SLFN11: variants seen among roughly 807,000 people sequenced by gnomAD.
The protein encoded by SLFN11 is schlafen family member 11.
SLFN11 carries 43 observed loss-of-function variants against 53.4 expected under a neutral mutation model. The observed-to-expected ratio is 0.80, with a 90% CI of 0.63 to 1.04. The LOEUF (loss-of-function observed/expected upper bound fraction) is 1.04. Ranked by LOEUF, SLFN11 falls within the 50% of genes least tolerant of loss-of-function variation. SLFN11 has a pLI of 0.00. For missense variants in SLFN11, 990 were observed against 1,079.1 expected, an observed-to-expected ratio of 0.92 and a Z score of 1.16; for synonymous variants, 389 against 394.7, an observed-to-expected ratio of 0.99 and a Z score of 0.17.
rs757730935 is a variant in SLFN11 at position 35,352,356 on chromosome 17, C to G, written c.2706G>C (p.Ter902TyrextTer18). The change falls in exon 7 of 7, where the codon TAG becomes TAC. Residue 902 changes from the stop codon to tyrosine (Y), a stop_lost. Coordinates refer to ENST00000685675, the MANE Select transcript of SLFN11 (RefSeq NM_001376007.1). ...ATAGCATTTTGATTTGGAGTTCTTC[C>G]TAATGGCCACCCCACGGAAAAATAT... is the stretch of plus-strand genomic sequence containing the variant. Reference protein sequence around the residue: ...HLYIFPWGGH* With the variant: ...HLYIFPWGGHY The G allele has an allele frequency of 1.2e-6, 2 of 1,613,396 alleles. No individual in the cohort carries two copies. Among genetic ancestry groups the G allele is most frequent in the Non-Finnish European group, 1.7e-6 (2 of 1,179,330 alleles).
chr17:35,363,231 T>A lies in SLFN11; in HGVS notation c.577A>T (p.Ile193Phe), dbSNP rs1199793710. 1 of 1,613,970 alleles carries A rather than the reference T, an allele frequency of 6.2e-7. No homozygotes were observed. The highest frequency in any genetic ancestry group is 8.5e-7 in the Non-Finnish European group (1 of 1,179,970). Reference sequence around the variant, plus strand: ...TATTCAAGATAGTCTTTTTGGAAAATTAGGTCAGCAGGATCCGAGTTTGGG... The same window carrying A: ...TATTCAAGATAGTCTTTTTGGAAAAATAGGTCAGCAGGATCCGAGTTTGGG... ...ADPNSDPADL[I>F]FQKDYLEYGE... The change falls in exon 4 of 7, where the codon ATT becomes TTT. Residue 193 changes from isoleucine (I) to phenylalanine (F), a missense_variant. By Grantham distance (21) the Ile-to-Phe change is conservative. This residue lies in a region of SLFN11 where 521 missense variants were observed against 516.2 expected (regional missense o/e 1.01). Coordinates refer to ENST00000685675, the MANE Select transcript of SLFN11 (RefSeq NM_001376007.1).
intron 1 of SLFN11, among the ~76,000 whole-genome samples, chr17:35,371,613 A>G (rs1171432413): frequency 6.6e-6 from 1 of 152,140 alleles, no homozygotes; most frequent in African/African-American, 2.4e-5. Flanking sequence ...AGGAGCTCCA[A>G]CAACTCTATA....
At position 35,351,554 on chromosome 17, in the gene SLFN11, T is replaced by C. The variant is rs1052188637; in HGVS notation, c.*802A>G. 6.6e-5 allele frequency: 10 copies of C among 152,238 alleles called. No homozygotes were observed. Among genetic ancestry groups the C allele is most frequent in the African/African-American group, 2.4e-4 (10 of 41,452 alleles). 9.4% of individuals were successfully genotyped at this position (152,238 alleles called of 1,614,324 possible). A position where few individuals can be genotyped will look rare whatever the true frequency, so the allele number is the denominator to read the frequency against. On this transcript the variant is annotated 3_prime_UTR_variant, in exon 7 of 7. Coordinates refer to ENST00000685675, the MANE Select transcript of SLFN11 (RefSeq NM_001376007.1). ...AACTCATTGATTTTTAAAGACAATCTTTCCCAAGTCTGGTTCACCTTAGGG... is the reference window on the plus strand; with the variant it reads ...AACTCATTGATTTTTAAAGACAATCCTTCCCAAGTCTGGTTCACCTTAGGG...
intron 5 of SLFN11, among the ~76,000 whole-genome samples, chr17:35,358,312 T>G (rs1353714872): frequency 6.6e-6 from 1 of 151,696 alleles, no homozygotes; most frequent in African/African-American, 2.4e-5. Flanking sequence ...ATATTCATTC[T>G]GAATTATTTT....
intron 5 of SLFN11, among the ~76,000 whole-genome samples, chr17:35,355,399 C>CAAAAAAT (rs966730718): frequency 6.6e-6 from 1 of 151,872 alleles, no homozygotes; most frequent in Non-Finnish European, 1.5e-5. Context: ...GATACTGTCT[C>CAAAAAAT]AAAAAATAAA....
At chr17:35,368,799 C>T (rs1437410942) in intron 1 of SLFN11, among the ~76,000 whole-genome samples, 2 of 152,094 alleles carry the variant, frequency 1.3e-5, no homozygotes, top group Admixed American at 1.3e-4. Context: ...TCTTGGATGT[C>T]AGCTCAGACA....
intron 1 of SLFN11, among the ~76,000 whole-genome samples, chr17:35,369,830 CCG>C (rs1241393934): frequency 2.6e-5 from 4 of 151,920 alleles, no homozygotes. Flanking sequence ...AACCCAAAAC[CCG>C]CACAAACCAA....
At position 35,364,554 on chromosome 17, in the gene SLFN11, G is replaced by T. The variant is rs551988563; in HGVS notation, c.-19-728C>A. ...TTTGAAAAATGCTGTTCAGACACCT[G>T]GGCAGTGGGCACCAGGAGGCAATAA... On this transcript the variant is annotated intron_variant, in intron 3 of 6. Coordinates refer to ENST00000685675, the MANE Select transcript of SLFN11 (RefSeq NM_001376007.1). Among the ~76,000 whole-genome samples, 4 of 152,208 alleles carry T rather than the reference G, an allele frequency of 2.6e-5. No individual in the cohort carries two copies. The East Asian group carries it at 5.8e-4, about 22-fold the overall frequency.
rs764957586 is a variant in SLFN11 at position 35,362,862 on chromosome 17, T to A, written c.946A>T (p.Arg316Ter). The change falls in exon 4 of 7, where the codon AGA (arginine) becomes TGA (stop). Residue 316 changes from arginine (R) to a stop codon, truncating the protein, a stop_gained. Transcript: ENST00000685675. LOFTEE classifies it high-confidence loss of function. ...GELYGYACMI[R>*]VNPFCCAVFS... ...ACTGCACAGCAGAAGGGATTTACTC[T>A]GATCATGCAAGCATAGCCATAGAGC... 4.3e-6 allele frequency: 7 copies of A among 1,613,904 alleles called. No individual in the cohort carries two copies. The African/African-American group carries it at 9.3e-5, about 22-fold the overall frequency.
intron 5 of SLFN11, among the ~76,000 whole-genome samples, chr17:35,357,632 T>C (rs1378260869): frequency 1.3e-5 from 2 of 149,634 alleles, no homozygotes; most frequent in Non-Finnish European, 3.0e-5. Flanking sequence ...TGTGTTTCTG[T>C]GTATTTCCAG....
chr17:35,354,086 G>A (rs1452471273), intron 5 of SLFN11, 27 bp from the exon 6 acceptor site: 1 of 1,543,646 alleles, frequency 6.5e-7, no homozygotes, highest in South Asian at 1.3e-5. Context: ...TGATAAATTA[G>A]AGGAAGAGAA....
intron 3 of SLFN11, among the ~76,000 whole-genome samples, chr17:35,365,710 C>T (rs1326431084): frequency 4.0e-5 from 6 of 151,874 alleles, no homozygotes; most frequent in African/African-American, 1.2e-4. Context: ...ATACAGCAGA[C>T]AAAATAAGTA....
In SLFN11 at chr17:35,363,083, C is replaced by T. The variant is rs773696041; in HGVS notation, c.725G>A (p.Gly242Glu). The T allele has an allele frequency of 9.3e-6, 15 of 1,613,870 alleles. No homozygotes were observed. The highest frequency in any genetic ancestry group is 1.3e-5 in the African/African-American group (1 of 74,906). ...CACTCCAATAAAAAGATAGCCTCCT[C>T]CAGTGTTTGCAAATGCAGGGACGTA... The part of the protein sequence containing the change: ...PEYVPAFANT[G>E]GGYLFIGVDD... The change falls in exon 4 of 7, where the codon GGA (glycine) becomes GAA (glutamate). Residue 242 changes from glycine (G) to glutamate (E), a missense_variant. Gly to Glu is a moderately conservative substitution (Grantham distance 98). This residue lies in a region of SLFN11 where 521 missense variants were observed against 516.2 expected (regional missense o/e 1.01). Coordinates refer to ENST00000685675, the MANE Select transcript of SLFN11 (RefSeq NM_001376007.1).
chr17:35,370,769 A>G (rs1909547713), intron 1 of SLFN11, among the ~76,000 whole-genome samples: 1 of 152,070 alleles, frequency 6.6e-6, no homozygotes, highest in Non-Finnish European at 1.5e-5. Flanking sequence ...AAATAAATGA[A>G]AGATCTCTAC....
Position 35,353,226 on chromosome 17 carries a change from C to T in SLFN11, c.1923-87G>A, listed in dbSNP as rs148184161. ...GTATCATGTTCCTCCGAGCACAGTA[C>T]ATTACCACAGATCATTTTACCACTC... is the stretch of plus-strand genomic sequence containing the variant. On this transcript the variant is annotated intron_variant, in intron 6 of 6. Coordinates refer to ENST00000685675, the MANE Select transcript of SLFN11 (RefSeq NM_001376007.1). 7.6e-5 allele frequency: 122 copies of T among 1,597,552 alleles called. No homozygotes were observed. The African/African-American group carries it at 1.0e-3, about 14-fold the overall frequency.
chr17:35,356,871 A>G (rs1004795620), intron 5 of SLFN11, among the ~76,000 whole-genome samples: 4 of 151,732 alleles, frequency 2.6e-5, no homozygotes, highest in African/African-American at 9.7e-5. Context: ...TGTGATTCCA[A>G]TATATTAATA....
rs1309085218 is a variant in SLFN11 at position 35,353,920 on chromosome 17, A to G, written c.1338T>C (p.Ala446=). Residue 446 remains alanine (A), a synonymous_variant, in exon 6 of 7, where the codon GCT becomes GCC. Coordinates refer to ENST00000685675, the MANE Select transcript of SLFN11 (RefSeq NM_001376007.1). ...RGILIFSRSW[A]VDLNLQEKPG... ...GCTTCTCCTGCAAGTTCAGGTCCAC[A>G]GCCCAACTTCTAGAGAAGATCAAAA... 6.2e-7 allele frequency: 1 copy of G among 1,613,836 alleles called. No homozygotes were observed. Among genetic ancestry groups the G allele is most frequent in the African/African-American group, 1.3e-5 (1 of 74,888 alleles).
Position 35,363,349 on chromosome 17 carries a change from C to A in SLFN11, c.459G>T (p.Lys153Asn), listed in dbSNP as rs2141968080. 6.2e-7 allele frequency: 1 copy of A among 1,613,934 alleles called. No homozygotes were observed. Among genetic ancestry groups the A allele is most frequent in the South Asian group, 1.1e-5 (1 of 91,074 alleles). Residue 153 changes from lysine (K) to asparagine (N), a missense_variant, in exon 4 of 7, where the codon AAG becomes AAT. This residue lies in a region of SLFN11 where 521 missense variants were observed against 516.2 expected (regional missense o/e 1.01). Coordinates refer to ENST00000685675, the MANE Select transcript of SLFN11 (RefSeq NM_001376007.1). ...MDSREAFCFL[K>N]TKRKPKILEE... ...CCAAGATTTTTGGCTTCCTTTTGGT[C>A]TTCAGGAAACAGAATGCCTCTCTTG...
chr17:35,355,814 T>C (rs1412336599), intron 5 of SLFN11, among the ~76,000 whole-genome samples: 1 of 152,156 alleles, frequency 6.6e-6, no homozygotes, highest in African/African-American at 2.4e-5. Flanking sequence ...ACAGGTGTGC[T>C]CTGAAACTCT....
Sources: allele counts gnomAD v4.1 joint callset (sites outside exome capture counted in the v4.1 genomes callset), GRCh38; gene constraint gnomAD v4.1.1; regional missense constraint gnomAD v4.1.1; transcripts MANE v1.5; gene names NCBI Gene and HGNC (gene_info 2026-07-23, HGNC 2026-07-21).